The following MEIKIN variants were observed in gnomAD, a reference collection of about 807,000 sequenced individuals.
The protein encoded by MEIKIN is meiosis-specific kinetochore protein.
intron 5 of MEIKIN, among the ~76,000 whole-genome samples, chr5:131,929,319 A>G (rs1751642891): frequency 6.6e-6 from 1 of 151,974 alleles, no homozygotes; most frequent in South Asian, 2.1e-4. Context: ...GGCTTCCTGG[A>G]TCTAAATGTC....
Position 131,874,748 on chromosome 5 carries a change from A to G in MEIKIN, c.774+4230T>C, listed in dbSNP as rs562443229. ...GAACATTGATGCAAAAATCCTCAATAAAATACTGGCAAACTGAATCCAGCA... is the reference window on the plus strand; with the variant it reads ...GAACATTGATGCAAAAATCCTCAATGAAATACTGGCAAACTGAATCCAGCA... On this transcript the variant is annotated intron_variant, in intron 9 of 12. Transcript: ENST00000442687. Among the ~76,000 whole-genome samples the G allele has an allele frequency of 3.1e-3, 468 of 152,360 alleles. 3 individuals are homozygous for G. Among genetic ancestry groups the G allele is most frequent in the Non-Finnish European group, 5.0e-3 (340 of 68,032 alleles).
chr5:131,856,849 T>C (rs764636308), intron 9 of MEIKIN, among the ~76,000 whole-genome samples: 8 of 151,652 alleles, frequency 5.3e-5, no homozygotes, highest in Non-Finnish European at 1.2e-4. Context: ...TTTCAAAAAA[T>C]ATTAGTTAAT....
At chr5:131,864,893 G>C (rs1042667571) in intron 9 of MEIKIN, among the ~76,000 whole-genome samples, 1 of 152,122 alleles carries the variant, frequency 6.6e-6, no homozygotes, top group Admixed American at 6.5e-5. Context: ...TAGTTATGAA[G>C]GCATTGCTCA....
intron 9 of MEIKIN, among the ~76,000 whole-genome samples, chr5:131,863,170 T>G (rs1750316940): frequency 6.6e-6 from 1 of 152,206 alleles, no homozygotes; most frequent in Non-Finnish European, 1.5e-5. Context: ...GATCTCAGTT[T>G]TTTCAAGTTT....
chr5:131,878,154 ATATAGAG>A (rs1750646596), intron 9 of MEIKIN, among the ~76,000 whole-genome samples: 1 of 152,224 alleles, frequency 6.6e-6, no homozygotes. Flanking sequence ...CATTAAACTT[ATATAGAG>A]TATATACTCA....
chr5:131,922,389 CTT>C (rs1219552304), intron 5 of MEIKIN, among the ~76,000 whole-genome samples: 15 of 149,502 alleles, frequency 1.0e-4, no homozygotes, highest in African/African-American at 3.7e-4. Context: ...TTTTTTTTTT[CTT>C]GTCATTATTC....
intron 11 of MEIKIN, 67 bp downstream of exon 11, chr5:131,851,197 A>G: frequency 2.5e-6 from 1 of 395,022 alleles, no homozygotes; most frequent in Non-Finnish European, 4.5e-6. Flanking sequence ...AGCACCTCAT[A>G]TACAAAGTAT....
intron 5 of MEIKIN, among the ~76,000 whole-genome samples, chr5:131,923,962 A>G (rs1473589134): frequency 6.6e-6 from 1 of 152,124 alleles, no homozygotes; most frequent in Non-Finnish European, 1.5e-5. Flanking sequence ...GAAACTTAAT[A>G]CCCATTGATA....
At chr5:131,835,371 A>G (rs1035408639) in intron 11 of MEIKIN, among the ~76,000 whole-genome samples, 1 of 152,118 alleles carries the variant, frequency 6.6e-6, no homozygotes, top group African/African-American at 2.4e-5. Context: ...TATTCAATGT[A>G]GTCCAGAATG....
intron 11 of MEIKIN, among the ~76,000 whole-genome samples, chr5:131,829,661 G>A (rs890730903): frequency 1.3e-5 from 2 of 152,138 alleles, no homozygotes; most frequent in Non-Finnish European, 2.9e-5. Flanking sequence ...AAAATATGTT[G>A]AAGTCCTAAC....
At chr5:131,878,338 C>G (rs547653001) in intron 9 of MEIKIN, among the ~76,000 whole-genome samples, 1 of 152,102 alleles carries the variant, frequency 6.6e-6, no homozygotes, top group Non-Finnish European at 1.5e-5. Context: ...GAGGCCGAGG[C>G]GGGCGGATCA....
intron 12 of MEIKIN, among the ~76,000 whole-genome samples, chr5:131,816,409 T>C (rs1773099939): frequency 1.3e-5 from 2 of 152,248 alleles, no homozygotes; most frequent in Admixed American, 6.5e-5. Context: ...GTAGGCCTCA[T>C]TCAATCAGTT....
intron 6 of MEIKIN, among the ~76,000 whole-genome samples, chr5:131,919,752 C>T (rs1751474040): frequency 6.6e-6 from 1 of 151,944 alleles, no homozygotes; most frequent in African/African-American, 2.4e-5. Flanking sequence ...ACTAAAAAGA[C>T]CAGTTATCCA....
intron 5 of MEIKIN, among the ~76,000 whole-genome samples, chr5:131,927,909 T>G (rs919449743): frequency 6.6e-6 from 1 of 150,708 alleles, no homozygotes; most frequent in African/African-American, 2.4e-5. Flanking sequence ...ACTTTGGGAG[T>G]CCGAGACGGG....
chr5:131,818,110 T>C (rs1247822003), intron 12 of MEIKIN, among the ~76,000 whole-genome samples: 1 of 152,222 alleles, frequency 6.6e-6, no homozygotes, highest in Non-Finnish European at 1.5e-5. Flanking sequence ...AGAGTCTTAA[T>C]ATGTAAAATG....
At chr5:131,865,288 C>T (rs1370405153) in intron 9 of MEIKIN, among the ~76,000 whole-genome samples, 3 of 151,962 alleles carry the variant, frequency 2.0e-5, no homozygotes, top group Non-Finnish European at 4.4e-5. Flanking sequence ...GGCACAATCT[C>T]CACTCACTGC....
At position 131,944,988 on chromosome 5, in the gene MEIKIN, T is replaced by A. The variant is rs539998843; in HGVS notation, c.200+168A>T. Among the ~76,000 whole-genome samples the A allele has an allele frequency of 9.9e-4, 151 of 152,288 alleles. 2 individuals carry two copies. In the South Asian group the frequency reaches 0.031, roughly 31 times the overall value. On this transcript the variant is annotated intron_variant, in intron 2 of 12. Transcript: ENST00000442687. ...AAGCCTTCCCCTTTTTAAAAATAAATCTTCCTGAAGTCAAATTTTGGGGTC... is the reference window on the plus strand; with the variant it reads ...AAGCCTTCCCCTTTTTAAAAATAAAACTTCCTGAAGTCAAATTTTGGGGTC...
intron 4 of MEIKIN, among the ~76,000 whole-genome samples, chr5:131,935,212 T>C (rs1751755100): frequency 7.2e-6 from 1 of 138,806 alleles, no homozygotes; most frequent in East Asian, 2.1e-4. Context: ...GAGAGGATCA[T>C]CTGAGCCCAG....
At chr5:131,892,579 G>T (rs1750947158) in intron 8 of MEIKIN, among the ~76,000 whole-genome samples, 1 of 152,118 alleles carries the variant, frequency 6.6e-6, no homozygotes, top group South Asian at 2.1e-4. Context: ...GTCTTTTAAG[G>T]ACTTCTCTGC....
Sources: gnomAD v4.1 joint callset for allele counts (sites outside exome capture counted in the v4.1 genomes callset) on GRCh38, gnomAD v4.1.1 for gene constraint, MANE v1.5 for transcripts, NCBI Gene and HGNC (gene_info 2026-07-23, HGNC 2026-07-21) for gene names.